The following PDE4DIP variants were observed in gnomAD, a reference collection of about 807,000 sequenced individuals.
PDE4DIP encodes the protein myomegalin.
A neutral mutation model predicts 221.4 loss-of-function variants in PDE4DIP; 59 were observed. The observed-to-expected ratio is 0.27, with a 90% CI of 0.22 to 0.33. PDE4DIP has a LOEUF of 0.33. Ranked by LOEUF, PDE4DIP falls within the 10% of genes least tolerant of loss-of-function variation. The probability of loss-of-function intolerance (pLI) is 1.00; values close to 1 mark genes in which losing one functional copy is unlikely to be tolerated. For missense variants in PDE4DIP, 1,036 were observed against 2,154.2 expected, an observed-to-expected ratio of 0.48 and a Z score of 10.28; for synonymous variants, 404 against 815.9, an observed-to-expected ratio of 0.50 and a Z score of 8.60.
intron 1 of PDE4DIP, among the ~76,000 whole-genome samples, chr1:148,898,754 C>A (rs1553444686): frequency 1.1e-5 from 1 of 92,844 alleles, no homozygotes; most frequent in Non-Finnish European, 2.0e-5. Flanking sequence ...AATCTCCTGA[C>A]CTCGTGATCC....
chr1:148,930,648 G>T (rs2047766260), intron 2 of PDE4DIP: 1 of 150,672 alleles, frequency 6.6e-6, no homozygotes, highest in Admixed American at 6.6e-5. Context: ...TAACCAAGGA[G>T]GTGAAAGATC....
At chr1:149,030,662 T>G in intron 43 of PDE4DIP, 7 of 834,724 alleles carry the variant, frequency 8.4e-6, no homozygotes, top group Non-Finnish European at 1.0e-5. Flanking sequence ...AGTTATGTGT[T>G]CTACTCTTCA....
chr1:148,995,826 A>C (rs777553834), intron 22 of PDE4DIP, among the ~76,000 whole-genome samples: 13 of 150,634 alleles, frequency 8.6e-5, no homozygotes, highest in Non-Finnish European at 1.6e-4. Flanking sequence ...GCTGTGCTGC[A>C]CATTATGCAC....
chr1:148,977,565 A>G (rs879952868), intron 17 of PDE4DIP, among the ~76,000 whole-genome samples: 1 of 148,936 alleles, frequency 6.7e-6, no homozygotes, highest in African/African-American at 2.5e-5. Context: ...TAAGGGTTGC[A>G]AAATGGAGAT....
chr1:149,028,572 A>G (rs1173151849), exon 41 of PDE4DIP: 21 of 1,610,854 alleles, frequency 1.3e-5, no homozygotes, highest in Non-Finnish European at 1.8e-5. Context: ...GCTAGGCAGC[A>G]AAGGTATTCA....
chr1:148,949,111 A>G (rs2052517546), intron 5 of PDE4DIP, among the ~76,000 whole-genome samples: 1 of 152,204 alleles, frequency 6.6e-6, no homozygotes, highest in Non-Finnish European at 1.5e-5. Context: ...TTGTATGAAT[A>G]CACCAAAATG....
At chr1:148,929,494 C>T (rs1225577889) in intron 2 of PDE4DIP, 2 of 528,314 alleles carry the variant, frequency 3.8e-6, no homozygotes, top group South Asian at 2.4e-5. Context: ...TCCACCAGAC[C>T]TAAGACTGCA....
At chr1:149,030,394 G>C (rs587743296) in intron 43 of PDE4DIP, 116 bp downstream of exon 46, 45 of 1,524,472 alleles carry the variant, frequency 3.0e-5, no homozygotes, top group African/African-American at 2.2e-4. Context: ...GAGAAGACTT[G>C]GGGTCCACTT....
Position 148,820,565 on chromosome 1 carries a change from A to G in PDE4DIP, c.233+11828A>G, listed in dbSNP as rs1409540871. On this transcript the variant is annotated intron_variant, in intron 1 of 45. Transcript: ENST00000524974. ...CTGGAAACTCCATCTCAAAAAAAAA[A>G]AAAAAAAAAAAAAAAGAAAGAAAGT... Among the ~76,000 whole-genome samples the G allele has an allele frequency of 9.1e-3, 1,230 of 134,816 alleles. 21 individuals carry two copies. The highest frequency in any genetic ancestry group is 0.034 in the African/African-American group (1,174 of 34,320). The allele number at this position is 134,816 out of a possible 152,430, so 88.4% of individuals were successfully genotyped here. A position where few individuals can be genotyped will look rare whatever the true frequency, so the allele number is the denominator to read the frequency against.
intron 32 of PDE4DIP, among the ~76,000 whole-genome samples, chr1:149,016,049 T>C (rs587648806): frequency 6.2e-5 from 9 of 144,468 alleles, no homozygotes; most frequent in Non-Finnish European, 1.2e-4. Flanking sequence ...GACTTTTCCA[T>C]TGTATATACT....
chr1:148,936,927 C>T (rs1573804246), intron 4 of PDE4DIP, among the ~76,000 whole-genome samples: 1 of 152,224 alleles, frequency 6.6e-6, no homozygotes, highest in East Asian at 1.9e-4. Flanking sequence ...AGGGACCTGC[C>T]TGAGGCTACT....
intron 34 of PDE4DIP, 23 bp downstream of exon 37, chr1:149,017,902 T>G (rs1553613578): frequency 1.9e-6 from 3 of 1,563,110 alleles, no homozygotes; most frequent in Non-Finnish European, 2.6e-6. Context: ...CAGACCTTCC[T>G]GTTTCTGGCT....
At chr1:148,884,779 T>G (rs1429628474), upstream of PDE4DIP, among the ~76,000 whole-genome samples, 2 of 152,198 alleles carry the variant, frequency 1.3e-5, no homozygotes, top group East Asian at 3.9e-4. Flanking sequence ...ACAGTTCATA[T>G]TGTCCTTTAT....
chr1:148,961,371 T>A (rs2151666083), intron 6 of PDE4DIP, among the ~76,000 whole-genome samples: 1 of 152,318 alleles, frequency 6.6e-6, no homozygotes, highest in African/African-American at 2.4e-5. Flanking sequence ...CTGTGTTTTT[T>A]ATTTTAGCTT....
At chr1:149,030,479 C>T (rs1553636057) in intron 43 of PDE4DIP, 1 of 984,230 alleles carries the variant, frequency 1.0e-6, no homozygotes, top group Non-Finnish European at 1.2e-6. Flanking sequence ...CAGCTCCTGC[C>T]CCTGTATCTT....
intron 5 of PDE4DIP, chr1:148,942,079 G>A (rs1314453580): frequency 6.6e-6 from 1 of 152,182 alleles, no homozygotes. Flanking sequence ...GGCCCTAGAA[G>A]AAAGAAGAGC....
At chr1:148,971,558 G>A (rs1173235702) in intron 14 of PDE4DIP, among the ~76,000 whole-genome samples, 12 of 152,192 alleles carry the variant, frequency 7.9e-5, no homozygotes, top group African/African-American at 2.7e-4. Flanking sequence ...TAACACATCC[G>A]TCACTACACA....
At chr1:148,953,652 C>T in intron 5 of PDE4DIP, 1 of 1,446,992 alleles carries the variant, frequency 6.9e-7, no homozygotes, top group Non-Finnish European at 9.7e-7. Flanking sequence ...CTGGAATTAG[C>T]TCTTAGCATG....
At chr1:148,938,820 A>G (rs1339371933) in intron 5 of PDE4DIP, among the ~76,000 whole-genome samples, 8 of 150,986 alleles carry the variant, frequency 5.3e-5, no homozygotes, top group Admixed American at 5.3e-4. Context: ...TTGGAGTCTC[A>G]CTCTGTTGCC....
Sources: gnomAD v4.1 joint callset for allele counts (sites outside exome capture counted in the v4.1 genomes callset) on GRCh38, gnomAD v4.1.1 for gene constraint, MANE v1.5 for transcripts, NCBI Gene and HGNC (gene_info 2026-07-23, HGNC 2026-07-21) for gene names.